Variants in NFIB observed in about 807,000 individuals in gnomAD.
NFIB encodes nuclear factor I B.
Under a neutral mutation model 61.5 loss-of-function variants are expected in NFIB, and 11 were observed. The observed-to-expected ratio is 0.18, with a 90% CI of 0.11 to 0.30. NFIB has a LOEUF of 0.30. Ranked by LOEUF, NFIB falls within the 10% of genes least tolerant of loss-of-function variation. The probability of loss-of-function intolerance (pLI) is 1.00; values close to 1 mark genes in which losing one functional copy is unlikely to be tolerated. For missense variants in NFIB, 471 were observed against 608.9 expected (o/e 0.77, Z 2.38); for synonymous variants, 260 against 216.5 (o/e 1.20, Z -1.76).
the NFIB span, among the ~76,000 whole-genome samples, chr9:14,506,880 T>C: frequency 2.0e-5 from 3 of 152,190 alleles, no homozygotes; most frequent in African/African-American, 7.2e-5. Flanking sequence ...TTCTTTCTTC[T>C]TTTAGAAAAC....
intron 6 of NFIB, among the ~76,000 whole-genome samples, chr9:14,130,500 T>C (rs1044281198): frequency 4.6e-5 from 7 of 152,188 alleles, no homozygotes; most frequent in Non-Finnish European, 8.8e-5. Flanking sequence ...CTAGATTTCA[T>C]TAATGATCTT....
chr9:14,495,466 T>G, the NFIB span, among the ~76,000 whole-genome samples: 1 of 149,518 alleles, frequency 6.7e-6, no homozygotes, highest in East Asian at 2.0e-4. Flanking sequence ...TTTTTTTTTG[T>G]CTGAGAGACA....
At position 14,207,729 on chromosome 9, in the gene NFIB, A is replaced by T. The variant is rs73645011; in HGVS notation, c.563-27949T>A. ...CGTAAATGAGAGTCTAATTTCTCCC[A>T]CGTGTCATTTTTCACATGAATGTTA... is the stretch of plus-strand genomic sequence containing the variant. On this transcript the variant is annotated intron_variant, in intron 2 of 10. Coordinates refer to ENST00000380953, the MANE Select transcript of NFIB (RefSeq NM_001190737.2). 1.9e-3 allele frequency among the ~76,000 whole-genome samples: 291 copies of T among 152,238 alleles called. 2 individuals carry two copies. Among genetic ancestry groups the T allele is most frequent in the African/African-American group, 6.8e-3 (281 of 41,552 alleles).
intron 6 of NFIB, among the ~76,000 whole-genome samples, chr9:14,126,163 C>A (rs991908824): frequency 6.6e-6 from 1 of 152,274 alleles, no homozygotes; most frequent in Non-Finnish European, 1.5e-5. Flanking sequence ...GGAAAAACAA[C>A]CTTCAGGTAT....
At chr9:14,346,298 C>CA (rs2061021324) in intron 1 of NFIB, among the ~76,000 whole-genome samples, 1 of 144,228 alleles carries the variant, frequency 6.9e-6, no homozygotes, top group Non-Finnish European at 1.6e-5. Context: ...ACACCCCCCC[C>CA]CCGTAACCTG....
chr9:14,129,829 T>C (rs1173112958), intron 6 of NFIB, among the ~76,000 whole-genome samples: 1 of 152,124 alleles, frequency 6.6e-6, no homozygotes, highest in African/African-American at 2.4e-5. Flanking sequence ...AATGCATACA[T>C]AATAATGCAT....
the NFIB span, among the ~76,000 whole-genome samples, chr9:14,459,917 G>A: frequency 2.0e-5 from 3 of 151,696 alleles, no homozygotes; most frequent in Admixed American, 2.0e-4. Context: ...TACACTGTTG[G>A]GGGGACTGTA....
chr9:14,296,057 A>C (rs531271823), intron 2 of NFIB, among the ~76,000 whole-genome samples: 4 of 152,232 alleles, frequency 2.6e-5, no homozygotes, highest in Non-Finnish European at 5.9e-5. Context: ...ATTCACGCGC[A>C]CTACAGTGAG....
At chr9:14,096,618 T>A (rs1401764625) in intron 10 of NFIB, 1 of 152,154 alleles carries the variant, frequency 6.6e-6, no homozygotes, top group Non-Finnish European at 1.5e-5. Flanking sequence ...TCCCCCAACC[T>A]AAGTCCCTGA....
At chr9:14,143,071 C>G (rs946133263) in intron 6 of NFIB, among the ~76,000 whole-genome samples, 41 of 151,974 alleles carry the variant, frequency 2.7e-4, no homozygotes, top group African/African-American at 9.4e-4. Flanking sequence ...TAGCCCCCTA[C>G]CAAATGCTTA....
intron 2 of NFIB, among the ~76,000 whole-genome samples, chr9:14,208,416 T>C (rs183471213): frequency 1.1e-4 from 17 of 152,338 alleles, no homozygotes; most frequent in Admixed American, 9.1e-4. Flanking sequence ...TCACGTCTAC[T>C]TGTGGCAAAA....
chr9:14,250,078 T>A (rs1440253572), intron 2 of NFIB, among the ~76,000 whole-genome samples: 1 of 152,146 alleles, frequency 6.6e-6, no homozygotes, highest in Non-Finnish European at 1.5e-5. Context: ...CACACCAAGT[T>A]TTAAAACTCA....
intron 2 of NFIB, among the ~76,000 whole-genome samples, chr9:14,223,639 T>C (rs2051991326): frequency 6.6e-6 from 1 of 152,104 alleles, no homozygotes; most frequent in African/African-American, 2.4e-5. Flanking sequence ...AAATCATGTT[T>C]TCCCTCAATG....
At chr9:14,245,375 G>C (rs992111853) in intron 2 of NFIB, among the ~76,000 whole-genome samples, 1 of 151,836 alleles carries the variant, frequency 6.6e-6, no homozygotes, top group Non-Finnish European at 1.5e-5. Flanking sequence ...AGAAGTCTTA[G>C]CTTGGTTATG....
chr9:14,155,248 C>G (rs2043269317), intron 4 of NFIB, among the ~76,000 whole-genome samples: 1 of 152,088 alleles, frequency 6.6e-6, no homozygotes. Flanking sequence ...GTGAGCTTAG[C>G]CTAGAAAAAT....
chr9:14,313,847 G>T lies in NFIB; in HGVS notation c.-336C>A. 8.1e-7 allele frequency: 1 copy of T among 1,240,794 alleles called. No homozygotes were observed. The highest frequency in any genetic ancestry group is 1.0e-6 in the Non-Finnish European group (1 of 986,136). 76.9% of individuals were successfully genotyped at this position (1,240,794 alleles called of 1,614,324 possible). A position where few individuals can be genotyped will look rare whatever the true frequency, so the allele number is the denominator to read the frequency against. On this transcript the variant is annotated 5_prime_UTR_variant, in exon 1 of 11. Coordinates refer to ENST00000380953, the MANE Select transcript of NFIB (RefSeq NM_001190737.2). This position sits in a 1 kb window ranked among gnomAD's most constrained non-coding sequence, Gnocchi z 4.5. ...GGTTTGGGGATTTGTTTTCTATTTTGCAGTTGTTGTTGTTGTTGGGGTGTA... is the reference window on the plus strand; with the variant it reads ...GGTTTGGGGATTTGTTTTCTATTTTTCAGTTGTTGTTGTTGTTGGGGTGTA...
chr9:14,472,276 T>C, the NFIB span, among the ~76,000 whole-genome samples: 80,820 of 152,064 alleles, frequency 0.53, 21,816 homozygotes, highest in Middle Eastern at 0.63. Context: ...GTCCAAGTTA[T>C]GGACGAAAGT....
intron 3 of NFIB, among the ~76,000 whole-genome samples, chr9:14,171,272 C>A (rs1204127239): frequency 6.6e-6 from 1 of 152,212 alleles, no homozygotes; most frequent in Non-Finnish European, 1.5e-5. Flanking sequence ...TCCCCTTCTT[C>A]CATGTGAAAT....
chr9:14,322,353 T>C, intron 1 of NFIB: 1 of 248,556 alleles, frequency 4.0e-6, no homozygotes, highest in Non-Finnish European at 7.7e-6. Flanking sequence ...GTGTGGTGGG[T>C]TTTATTGTTG....
Sources: gnomAD v4.1 joint callset for allele counts (sites outside exome capture counted in the v4.1 genomes callset) on GRCh38, gnomAD v4.1.1 for gene constraint, Gnocchi (gnomAD v3.1) non-coding constraint, MANE v1.5 for transcripts, NCBI Gene and HGNC (gene_info 2026-07-23, HGNC 2026-07-21) for gene names.